The following PCDH15 variants were observed in gnomAD, a reference collection of about 807,000 sequenced individuals.
The protein encoded by PCDH15 is protocadherin related 15.
PCDH15 carries 129 observed loss-of-function variants against 178.5 expected under a neutral mutation model. The ratio of observed to expected loss-of-function variants is 0.72; its 90% CI spans 0.63 to 0.84. The LOEUF (loss-of-function observed/expected upper bound fraction) is 0.84, where lower values mean the gene tolerates loss of function less well. Ranked by LOEUF, PCDH15 falls within the 40% of genes least tolerant of loss-of-function variation. The pLI is 0.00. For missense variants in PCDH15, 2,230 were observed against 2,099.9 expected (o/e 1.06, Z -1.21); for synonymous variants, 800 against 732.0 (o/e 1.09, Z -1.50).
At chr10:55,537,118 A>T (rs1048951884) in intron 2 of PCDH15, among the ~76,000 whole-genome samples, 3 of 152,144 alleles carry the variant, frequency 2.0e-5, no homozygotes, top group African/African-American at 7.2e-5. Context: ...AATATTATTA[A>T]CCGAGACTAA....
At chr10:54,347,104 C>T (rs1943419708) in intron 5 of PCDH15, among the ~76,000 whole-genome samples, 1 of 152,158 alleles carries the variant, frequency 6.6e-6, no homozygotes, top group Non-Finnish European at 1.5e-5. Context: ...GTGTGGCATA[C>T]AAAACCATGA....
chr10:54,352,961 T>C (rs943899915), intron 5 of PCDH15, among the ~76,000 whole-genome samples: 1 of 152,156 alleles, frequency 6.6e-6, no homozygotes, highest in Non-Finnish European at 1.5e-5. Context: ...GCTTTAGAAA[T>C]GGTAAATTTA....
At chr10:54,025,501 T>TA in intron 18 of PCDH15, among the ~76,000 whole-genome samples, 1 of 67,416 alleles carries the variant, frequency 1.5e-5, no homozygotes, top group Non-Finnish European at 2.9e-5. Context: ...TTTCCACCAT[T>TA]TTTTTTTTTT....
intron 1 of PCDH15, among the ~76,000 whole-genome samples, chr10:54,730,546 A>C (rs1424308234): frequency 6.6e-6 from 1 of 151,556 alleles, no homozygotes; most frequent in Non-Finnish European, 1.5e-5. Flanking sequence ...ACTTAAAATA[A>C]AAGTTGGAAA....
intron 3 of PCDH15, among the ~76,000 whole-genome samples, chr10:54,413,436 A>T (rs1490999604): frequency 2.0e-5 from 3 of 152,176 alleles, no homozygotes; most frequent in Admixed American, 2.0e-4. Context: ...AAACTATATA[A>T]TCAACAGTCT....
chr10:55,216,617 G>T (rs916742939), intron 1 of PCDH15, among the ~76,000 whole-genome samples: 1 of 151,734 alleles, frequency 6.6e-6, no homozygotes, highest in Non-Finnish European at 1.5e-5. Flanking sequence ...CAAAAAAAAT[G>T]ATAAATGTTT....
At chr10:55,462,336 G>A (rs541132933) in intron 2 of PCDH15, among the ~76,000 whole-genome samples, 24 of 152,060 alleles carry the variant, frequency 1.6e-4, no homozygotes, top group African/African-American at 5.3e-4. Context: ...AGGTCCTTCT[G>A]GATTTTTCTC....
At chr10:53,972,955 G>T (rs2089862869) in intron 21 of PCDH15, among the ~76,000 whole-genome samples, 1 of 152,070 alleles carries the variant, frequency 6.6e-6, no homozygotes, top group Admixed American at 6.6e-5. Context: ...ATATGCAAAG[G>T]ATTATAAATC....
intron 15 of PCDH15, among the ~76,000 whole-genome samples, chr10:54,104,788 G>T (rs1339084916): frequency 7.4e-6 from 1 of 134,680 alleles, no homozygotes; most frequent in African/African-American, 2.9e-5. Context: ...AGAGAGCCAA[G>T]ATCGCGCCAC....
chr10:55,459,012 T>G (rs1163476632), intron 2 of PCDH15, among the ~76,000 whole-genome samples: 2 of 151,986 alleles, frequency 1.3e-5, no homozygotes, highest in Admixed American at 1.3e-4. Context: ...GTGATTCTGC[T>G]TTCTCCTGCA....
chr10:54,263,968 C>A (rs182628559), intron 8 of PCDH15, among the ~76,000 whole-genome samples: 4 of 152,172 alleles, frequency 2.6e-5, no homozygotes, highest in Admixed American at 2.6e-4. Flanking sequence ...AGTCTCCTGG[C>A]TTTCATCTTT....
At position 55,471,737 on chromosome 10, in the gene PCDH15, T is replaced by C. The variant is rs557534881; in HGVS notation, c.-156+155888A>G. ...TGAATATTATAGCGGAAGCTATTGATGTTCTAAACAAGGTCTCTTTGCCCA... is the reference window on the plus strand; with the variant it reads ...TGAATATTATAGCGGAAGCTATTGACGTTCTAAACAAGGTCTCTTTGCCCA... On this transcript the variant is annotated intron_variant, in intron 2 of 5. Transcript: ENST00000613346. 7.9e-5 allele frequency among the ~76,000 whole-genome samples: 12 copies of C among 152,346 alleles called. No individual in the cohort carries two copies. The South Asian group carries it at 1.7e-3, about 21-fold the overall frequency.
intron 2 of PCDH15, among the ~76,000 whole-genome samples, chr10:55,123,982 T>A (rs1157105376): frequency 6.6e-6 from 1 of 152,100 alleles, no homozygotes; most frequent in African/African-American, 2.4e-5. Context: ...CTGGTAACCA[T>A]AGCAGTGTCT....
intron 3 of PCDH15, among the ~76,000 whole-genome samples, chr10:54,447,176 A>G (rs564705997): frequency 6.6e-6 from 1 of 151,760 alleles, no homozygotes; most frequent in Admixed American, 6.6e-5. Context: ...AGCATCTGGT[A>G]CATGAGCCTG....
intron 2 of PCDH15, among the ~76,000 whole-genome samples, chr10:55,445,152 G>C (rs1839286935): frequency 6.6e-6 from 1 of 152,090 alleles, no homozygotes. Context: ...TGTGAATATA[G>C]ACATGTCAGT....
At chr10:54,298,996 C>T (rs1034700934) in intron 8 of PCDH15, among the ~76,000 whole-genome samples, 9 of 152,204 alleles carry the variant, frequency 5.9e-5, no homozygotes, top group African/African-American at 1.9e-4. Context: ...CCATTAAATA[C>T]CACAAGGAAA....
At chr10:53,897,503 C>T (rs78401416) in intron 26 of PCDH15, among the ~76,000 whole-genome samples, 4,953 of 148,958 alleles carry the variant, frequency 0.033, 123 homozygotes, top group Middle Eastern at 0.065. Context: ...GATGCCCTCT[C>T]TCCTCTTTTT....
intron 3 of PCDH15, among the ~76,000 whole-genome samples, chr10:54,517,036 G>C (rs2138013596): frequency 6.6e-6 from 1 of 152,184 alleles, no homozygotes; most frequent in East Asian, 1.9e-4. Flanking sequence ...CACCAGGCCT[G>C]CCCCAAAAGA....
intron 2 of PCDH15, among the ~76,000 whole-genome samples, chr10:54,931,316 G>A (rs1670814): frequency 4.0e-5 from 6 of 151,894 alleles, no homozygotes; most frequent in Admixed American, 1.3e-4. Flanking sequence ...TTTCAGTAAC[G>A]TTTGAAACAT....
Sources: gnomAD v4.1 joint callset for allele counts (sites outside exome capture counted in the v4.1 genomes callset) on GRCh38, gnomAD v4.1.1 for gene constraint, MANE v1.5 for transcripts, NCBI Gene and HGNC (gene_info 2026-07-23, HGNC 2026-07-21) for gene names.